RNF157: variants seen among roughly 807,000 people sequenced by gnomAD.
RNF157 encodes E3 ubiquitin ligase RNF157.
In RNF157, 55 loss-of-function variants were observed where a neutral mutation model predicts 88.3. The ratio of observed to expected loss-of-function variants is 0.62; its 90% CI spans 0.50 to 0.78. The LOEUF (loss-of-function observed/expected upper bound fraction) is 0.78. RNF157 is among the 30% of genes least tolerant of loss of function. The probability of loss-of-function intolerance (pLI) is 0.00; values close to 1 mark genes in which losing one functional copy is unlikely to be tolerated. For missense variants in RNF157, 788 were observed against 860.8 expected, an observed-to-expected ratio of 0.92 and a Z score of 1.06; for synonymous variants, 334 against 341.2, an observed-to-expected ratio of 0.98 and a Z score of 0.23.
At chr17:76,185,169 C>T (rs1221423730) in intron 2 of RNF157, among the ~76,000 whole-genome samples, 5 of 152,156 alleles carry the variant, frequency 3.3e-5, no homozygotes, top group Non-Finnish European at 7.3e-5. Flanking sequence ...TGTCATTAAA[C>T]ACACCTACAT....
chr17:76,193,916 C>T (rs1040785556), intron 2 of RNF157, among the ~76,000 whole-genome samples: 6 of 152,202 alleles, frequency 3.9e-5, no homozygotes, highest in African/African-American at 1.4e-4. Context: ...TCCACATCCA[C>T]AGACAGCCCT....
At position 76,152,446 on chromosome 17, in the gene RNF157, A is replaced by T. The variant is rs778215506; in HGVS notation, c.1830T>A (p.Phe610Leu). Residue 610 changes from phenylalanine (F) to leucine (L), a missense_variant, in exon 18 of 19, where the codon TTT (phenylalanine) becomes TTA (leucine). By Grantham distance (22) the Phe-to-Leu change is conservative (BLOSUM62 0). Coordinates refer to ENST00000269391, the MANE Select transcript of RNF157 (RefSeq NM_052916.3). The stretch of plus-strand genomic sequence containing the variant: ...TGTTATTGTCACACTCCATACCTAG[A>T]AATGCGCACGTCCTCTGGCCTGTAA... Reference protein sequence around the residue: ...PTQEGQRTCAFLGMECDNNND... With the variant: ...PTQEGQRTCALLGMECDNNND... 1.7e-5 allele frequency: 28 copies of T among 1,612,826 alleles called. No homozygotes were observed. The highest frequency in any genetic ancestry group is 2.2e-5 in the Non-Finnish European group (26 of 1,178,904).
intron 2 of RNF157, among the ~76,000 whole-genome samples, chr17:76,201,240 C>G (rs2069571609): frequency 6.8e-6 from 1 of 147,382 alleles, no homozygotes; most frequent in Admixed American, 6.9e-5. Flanking sequence ...AATCCCAGCA[C>G]TTTGGGAGGC....
At chr17:76,162,655 G>C in intron 8 of RNF157, 32 bp from the exon 9 acceptor site, 1 of 1,546,502 alleles carries the variant, frequency 6.5e-7, no homozygotes, top group Non-Finnish European at 8.9e-7. Flanking sequence ...TCAAGGACAG[G>C]CTGTCTCTAC....
chr17:76,157,996 G>A lies in RNF157; in HGVS notation c.1413+397C>T, dbSNP rs147597063. ...TTCCCTTGGTCTTGGCTCCTGGACC[G>A]CTTTTTAAGAATGGCAGCCCCCACT... On this transcript the variant is annotated intron_variant, in intron 13 of 18. Coordinates refer to ENST00000269391, the MANE Select transcript of RNF157 (RefSeq NM_052916.3). This position sits in a 1 kb window ranked among gnomAD's most constrained non-coding sequence, Gnocchi z 5.6. Among the ~76,000 whole-genome samples, 106 of 151,856 alleles carry A rather than the reference G, an allele frequency of 7.0e-4. No homozygotes were observed. The highest frequency in any genetic ancestry group is 2.5e-3 in the African/African-American group (104 of 41,378).
intron 1 of RNF157, among the ~76,000 whole-genome samples, chr17:76,239,453 G>A (rs368526516): frequency 6.6e-6 from 1 of 152,070 alleles, no homozygotes; most frequent in African/African-American, 2.4e-5. Context: ...CCAAAACCCA[G>A]GCTTGCCACT....
intron 2 of RNF157, among the ~76,000 whole-genome samples, chr17:76,200,783 T>C (rs2069562319): frequency 6.6e-6 from 1 of 152,222 alleles, no homozygotes; most frequent in Admixed American, 6.5e-5. Context: ...CTAGTTCTTT[T>C]ACTGTCAGGT....
chr17:76,190,349 T>C (rs12944965), intron 2 of RNF157, among the ~76,000 whole-genome samples: 15,422 of 151,996 alleles, frequency 0.1, 972 homozygotes, highest in African/African-American at 0.17. Flanking sequence ...ATATTTTTAG[T>C]AGAGACGGAG....
chr17:76,168,807 C>G (rs2068968310), intron 3 of RNF157, among the ~76,000 whole-genome samples: 1 of 152,218 alleles, frequency 6.6e-6, no homozygotes. Context: ...CTTTTGAGAG[C>G]TATTATTCAA....
At chr17:76,233,246 T>C (rs1431232440) in intron 1 of RNF157, among the ~76,000 whole-genome samples, 1 of 152,120 alleles carries the variant, frequency 6.6e-6, no homozygotes, top group Non-Finnish European at 1.5e-5. Context: ...ATTGGATGGT[T>C]TGTCTCCATA....
chr17:76,174,644 A>C (rs2069074773), intron 2 of RNF157, among the ~76,000 whole-genome samples: 1 of 152,250 alleles, frequency 6.6e-6, no homozygotes. Context: ...CTCTTGGCTC[A>C]AGAAGAGTCT....
At chr17:76,211,056 C>T (rs1278536738) in intron 2 of RNF157, among the ~76,000 whole-genome samples, 1 of 152,152 alleles carries the variant, frequency 6.6e-6, no homozygotes, top group Non-Finnish European at 1.5e-5. Flanking sequence ...CTGTCCACCT[C>T]GGCCTCCCAA....
chr17:76,222,081 G>A (rs531932556), intron 1 of RNF157, among the ~76,000 whole-genome samples: 39 of 152,156 alleles, frequency 2.6e-4, no homozygotes, highest in Non-Finnish European at 4.9e-4. Context: ...TCTAGAGGCC[G>A]GGCGCAGTGG....
intron 1 of RNF157, among the ~76,000 whole-genome samples, chr17:76,234,365 T>A (rs2070245818): frequency 6.6e-6 from 1 of 152,184 alleles, no homozygotes; most frequent in Non-Finnish European, 1.5e-5. Flanking sequence ...GTGAATGTAT[T>A]TTCTTCATTT....
At chr17:76,148,034 T>G (rs2068611465) in intron 18 of RNF157, among the ~76,000 whole-genome samples, 1 of 152,186 alleles carries the variant, frequency 6.6e-6, no homozygotes, top group Non-Finnish European at 1.5e-5. Context: ...TTTGTAGAGT[T>G]GCTCTCCAGG....
In RNF157 at chr17:76,176,727, G is replaced by A. The variant is rs2069109120; in HGVS notation, c.208-2937C>T. Among the ~76,000 whole-genome samples, 1 of 152,218 alleles carries A rather than the reference G, an allele frequency of 6.6e-6. No homozygotes were observed. Among genetic ancestry groups the A allele is most frequent in the African/African-American group, 2.4e-5 (1 of 41,466 alleles). ...AGCGTGGCAGAAGAGCAGCGCGGTA[G>A]GGCAAAGAGGAGCCCCGAGGCGGAG... On this transcript the variant is annotated intron_variant, in intron 2 of 18. Coordinates refer to ENST00000269391, the MANE Select transcript of RNF157 (RefSeq NM_052916.3). This position sits in a 1 kb window ranked among gnomAD's most constrained non-coding sequence, Gnocchi z 4.2.
In RNF157 at chr17:76,227,871, C is replaced by A. The variant is rs193043592; in HGVS notation, c.88+12282G>T. On this transcript the variant is annotated intron_variant, in intron 1 of 18. Coordinates refer to ENST00000269391, the MANE Select transcript of RNF157 (RefSeq NM_052916.3). Reference sequence around the variant, plus strand: ...CAGCCTGGGCAACAAGAGCGAAACTCCATCTCAAAAAAAATTTAAAAAAAG... The same window carrying A: ...CAGCCTGGGCAACAAGAGCGAAACTACATCTCAAAAAAAATTTAAAAAAAG... 2.6e-5 allele frequency among the ~76,000 whole-genome samples: 4 copies of A among 152,146 alleles called. No individual in the cohort carries two copies. In the East Asian group the frequency reaches 7.7e-4, roughly 29 times the overall value.
At chr17:76,219,813 C>T (rs1248640112) in intron 1 of RNF157, among the ~76,000 whole-genome samples, 3 of 150,046 alleles carry the variant, frequency 2.0e-5, no homozygotes, top group Non-Finnish European at 4.4e-5. Context: ...ATATCTCAAA[C>T]AGTTTACAGT....
At chr17:76,173,938 T>C (rs2069061451) in intron 2 of RNF157, 148 bp from the exon 3 acceptor site, 2 of 683,144 alleles carry the variant, frequency 2.9e-6, no homozygotes, top group African/African-American at 1.9e-5. Flanking sequence ...AACTCCGACA[T>C]ACTGAGTCAA....
Sources: gnomAD v4.1 joint callset for allele counts (sites outside exome capture counted in the v4.1 genomes callset) on GRCh38, gnomAD v4.1.1 for gene constraint, Gnocchi (gnomAD v3.1) non-coding constraint, MANE v1.5 for transcripts, NCBI Gene and HGNC (gene_info 2026-07-23, HGNC 2026-07-21) for gene names.